DNMBP: variants seen among roughly 807,000 people sequenced by gnomAD.
The protein encoded by DNMBP is dynamin-binding protein.
Under a neutral mutation model 150.0 loss-of-function variants are expected in DNMBP, and 87 were observed. The ratio of observed to expected loss-of-function variants is 0.58; its 90% CI spans 0.49 to 0.69. The LOEUF is 0.69. Ranked by LOEUF, DNMBP falls within the 30% of genes least tolerant of loss-of-function variation. The probability of loss-of-function intolerance (pLI) is 0.00; values close to 1 mark genes in which losing one functional copy is unlikely to be tolerated. For synonymous variants in DNMBP, 711 were observed against 750.4 expected, an observed-to-expected ratio of 0.95 and a Z score of 0.86; for missense variants, 1,774 against 1,949.0, an observed-to-expected ratio of 0.91 and a Z score of 1.69.
chr10:99,884,231 A>C (rs547356672), intron 14 of DNMBP, 22 bp from the exon 15 acceptor site: 1 of 1,600,872 alleles, frequency 6.2e-7, no homozygotes, highest in Non-Finnish European at 8.5e-7. Context: ...GACGTTAACA[A>C]AAATCTCTCA....
At chr10:99,974,414 A>C (rs1286353366) in intron 1 of DNMBP, among the ~76,000 whole-genome samples, 1 of 152,128 alleles carries the variant, frequency 6.6e-6, no homozygotes, top group Non-Finnish European at 1.5e-5. Context: ...CCCTCTGTAG[A>C]CAATCAGCCT....
intron 11 of DNMBP, among the ~76,000 whole-genome samples, chr10:99,892,570 A>C (rs963831531): frequency 3.0e-5 from 4 of 132,216 alleles, no homozygotes; most frequent in African/African-American, 1.2e-4. Context: ...CATGCTCGTT[A>C]AGAGTCATCA....
At chr10:99,961,267 C>CTTT (rs555063019) in intron 3 of DNMBP, among the ~76,000 whole-genome samples, 263 of 84,634 alleles carry the variant, frequency 3.1e-3, no homozygotes, top group Non-Finnish European at 4.2e-3. Context: ...TTCCCTTTTT[C>CTTT]TTTTTTTTTT....
chr10:99,896,456 T>C, intron 9 of DNMBP, 59 bp from the exon 10 acceptor site: 1 of 1,570,310 alleles, frequency 6.4e-7, no homozygotes, highest in Non-Finnish European at 8.8e-7. Flanking sequence ...AAATGAGCCA[T>C]AAAATGAGAT....
At chr10:99,920,248 T>C (rs1188029428) in intron 4 of DNMBP, among the ~76,000 whole-genome samples, 1 of 152,050 alleles carries the variant, frequency 6.6e-6, no homozygotes, top group Non-Finnish European at 1.5e-5. Context: ...GCTAATTTTG[T>C]ATTTTTAGTA....
At chr10:100,004,714 A>G (rs1023157874) in intron 1 of DNMBP, among the ~76,000 whole-genome samples, 1 of 152,202 alleles carries the variant, frequency 6.6e-6, no homozygotes, top group Non-Finnish European at 1.5e-5. Context: ...AAACTCCAAA[A>G]ACATAAACCG....
chr10:99,885,544 A>T, intron 14 of DNMBP, 143 bp downstream of exon 14: 1 of 799,410 alleles, frequency 1.3e-6, no homozygotes, highest in Non-Finnish European at 1.9e-6. Context: ...GCATGAGCCC[A>T]TGATGGGTGA....
chr10:99,971,843 T>C, intron 2 of DNMBP, 137 bp downstream of exon 2: 2 of 910,726 alleles, frequency 2.2e-6, no homozygotes. Context: ...TAATTTTCTT[T>C]CTTTCTTTCT....
At chr10:99,943,815 C>T (rs1471688949) in intron 4 of DNMBP, among the ~76,000 whole-genome samples, 3 of 152,210 alleles carry the variant, frequency 2.0e-5, no homozygotes, top group African/African-American at 4.8e-5. Context: ...TAGAATATTA[C>T]GTATCACTTT....
chr10:99,944,812 C>G (rs1411127477), intron 4 of DNMBP, among the ~76,000 whole-genome samples: 1 of 152,166 alleles, frequency 6.6e-6, no homozygotes, highest in Admixed American at 6.5e-5. Flanking sequence ...TTCTCAGTTA[C>G]AGCCAAAGAC....
rs2041110630 is a variant in DNMBP, at chr10:100,009,562, G to A, written c.-11+276C>T. Among the ~76,000 whole-genome samples the A allele has an allele frequency of 2.0e-5, 3 of 152,312 alleles. No homozygotes were observed. The South Asian group carries it at 6.2e-4, about 32-fold the overall frequency. ...AAGAGCCCTGGGCTTGACACCGCTT[G>A]AAAAGCCCACGTTCGCATTGCTCTG... On this transcript the variant is annotated intron_variant, in intron 1 of 16. Coordinates refer to ENST00000324109, the MANE Select transcript of DNMBP (RefSeq NM_015221.4).
intron 6 of DNMBP, among the ~76,000 whole-genome samples, chr10:99,901,994 C>T (rs769792753): frequency 3.3e-5 from 5 of 151,988 alleles, no homozygotes; most frequent in Non-Finnish European, 5.9e-5. Flanking sequence ...CCGCCACCTC[C>T]TGGGCTCAAG....
chr10:99,888,402 G>A (rs963758182), intron 12 of DNMBP, among the ~76,000 whole-genome samples: 9 of 151,974 alleles, frequency 5.9e-5, no homozygotes, highest in African/African-American at 9.7e-5. Flanking sequence ...GTAGTGGCAG[G>A]GTTTCACCAC....
At chr10:99,899,616 G>A (rs951176383) in intron 7 of DNMBP, among the ~76,000 whole-genome samples, 1 of 132,388 alleles carries the variant, frequency 7.6e-6, no homozygotes, top group Non-Finnish European at 1.6e-5. Context: ...CTCTGGCCTG[G>A]GTGAGAGTGA....
intron 4 of DNMBP, among the ~76,000 whole-genome samples, chr10:99,951,892 TG>T (rs1280512179): frequency 1.3e-5 from 2 of 152,138 alleles, no homozygotes; most frequent in Non-Finnish European, 2.9e-5. Context: ...AGTTTTGAAA[TG>T]TGACGACATG....
rs779050217 is a variant in DNMBP at position 99,885,801 on chromosome 10, A to G, written c.3684T>C (p.Val1228=). 2.5e-6 allele frequency: 4 copies of G among 1,612,910 alleles called. No homozygotes were observed. Among genetic ancestry groups the G allele is most frequent in the Non-Finnish European group, 3.4e-6 (4 of 1,179,648 alleles). The change falls in exon 14 of 17, where the codon GTT becomes GTC. Residue 1228 remains valine, a synonymous_variant. Coordinates refer to ENST00000324109, the MANE Select transcript of DNMBP (RefSeq NM_015221.4). ...AGGTAAAAACCTGGAGTTGCTGCAG[A>G]ACTCTGCTGTGCTCTTCGTGGAAGA... ...IAIFHEEHSR[V]LQQLQVFTFF...
At chr10:99,879,664 T>C in intron 16 of DNMBP, 147 bp downstream of exon 16, 1 of 1,406,320 alleles carries the variant, frequency 7.1e-7, no homozygotes, top group African/African-American at 1.4e-5. Context: ...ATGGCAGAGA[T>C]TCCTTGTGTG....
At chr10:99,999,479 C>A (rs2040987682) in intron 1 of DNMBP, among the ~76,000 whole-genome samples, 1 of 152,156 alleles carries the variant, frequency 6.6e-6, no homozygotes, top group Non-Finnish European at 1.5e-5. Context: ...TGTTGTTACA[C>A]ACAGTAGTCC....
At position 99,879,970 on chromosome 10, in the gene DNMBP, C is replaced by T. The variant is rs769113426; in HGVS notation, c.4389G>A (p.Pro1463=). Residue 1463 remains proline, a synonymous_variant, in exon 16 of 17, where the codon CCG becomes CCA. Transcript: ENST00000324109. The part of the protein sequence containing the change: ...ARDVKQPTAT[P]RSYRNFRHPE... ...GATGCCTGAAGTTCCGGTAGCTCCTCGGCGTGGCAGTGGGTTGCTTTACAT... is the reference window on the plus strand; with the variant it reads ...GATGCCTGAAGTTCCGGTAGCTCCTTGGCGTGGCAGTGGGTTGCTTTACAT... The T allele has an allele frequency of 7.4e-6, 12 of 1,614,068 alleles. No individual in the cohort carries two copies. Among genetic ancestry groups the T allele is most frequent in the East Asian group, 4.5e-5 (2 of 44,898 alleles).
Sources: gnomAD v4.1 joint callset for allele counts (sites outside exome capture counted in the v4.1 genomes callset) on GRCh38, gnomAD v4.1.1 for gene constraint, MANE v1.5 for transcripts, NCBI Gene and HGNC (gene_info 2026-07-23, HGNC 2026-07-21) for gene names.